Variants in CAMK2D observed in about 807,000 individuals in gnomAD.
CAMK2D encodes calcium/calmodulin-dependent protein kinase type II subunit delta.
In CAMK2D, 37 loss-of-function variants were observed where a neutral mutation model predicts 84.0. The observed-to-expected ratio is 0.44, with a 90% CI of 0.34 to 0.58. CAMK2D has a LOEUF of 0.58. Among genes scored for constraint, CAMK2D ranks in the 20% least tolerant of loss-of-function variants. CAMK2D has a pLI of 0.02. For missense variants in CAMK2D, 448 were observed against 652.5 expected (o/e 0.69, Z 3.41); for synonymous variants, 202 against 212.5 (o/e 0.95, Z 0.43).
At chr4:113,466,242 A>G (rs1206983760) in intron 16 of CAMK2D, among the ~76,000 whole-genome samples, 1 of 151,006 alleles carries the variant, frequency 6.6e-6, no homozygotes, top group Non-Finnish European at 1.5e-5. Context: ...GGGCAACAAG[A>G]GCAAAACTCC....
At position 113,709,745 on chromosome 4, in the gene CAMK2D, C is replaced by CTATATATATATATATA. The variant is rs1554070590; in HGVS notation, c.161-47974_161-47973insTATATATATATATATA. On this transcript the variant is annotated intron_variant, in intron 2 of 20. Transcript: ENST00000511664. ...AGAGTGAAAAGCTAAAAGCCGTGAACGATATATATATATATATATATATAT... is the reference window on the plus strand; with the variant it reads ...AGAGTGAAAAGCTAAAAGCCGTGAACTATATATATATATATAGATATATATATATATATATATATAT... 1.6e-3 allele frequency among the ~76,000 whole-genome samples: 39 copies of CTATATATATATATATA among 24,630 alleles called. 1 individual carries two copies. The highest frequency in any genetic ancestry group is 9.2e-3 in the African/African-American group (37 of 4,032). 16.2% of individuals were successfully genotyped at this position (24,630 alleles called of 152,430 possible).
At chr4:113,725,107 T>C (rs1045739090) in intron 2 of CAMK2D, among the ~76,000 whole-genome samples, 10 of 152,058 alleles carry the variant, frequency 6.6e-5, no homozygotes, top group African/African-American at 2.4e-4. Flanking sequence ...TTAATAGGCT[T>C]AAGATGTGCA....
At chr4:113,631,102 A>G (rs1352600090) in intron 3 of CAMK2D, among the ~76,000 whole-genome samples, 1 of 152,146 alleles carries the variant, frequency 6.6e-6, no homozygotes, top group Non-Finnish European at 1.5e-5. Context: ...ATTCATTTAA[A>G]CCAGAGCCAC....
chr4:113,545,030 C>A lies in CAMK2D; in HGVS notation c.414+2614G>T, dbSNP rs143015191. ...AGCAGTTATTCAACTAAATAGTGAT[C>A]TTTATTCTGAAGATATACTTATCTT... On this transcript the variant is annotated intron_variant, in intron 6 of 20. Transcript: ENST00000511664. Among the ~76,000 whole-genome samples the A allele has an allele frequency of 3.0e-4, 45 of 152,276 alleles. No individual in the cohort carries two copies. The East Asian group carries it at 7.7e-3, about 26-fold the overall frequency.
chr4:113,747,490 G>C (rs945724644), intron 2 of CAMK2D, among the ~76,000 whole-genome samples: 9 of 152,056 alleles, frequency 5.9e-5, no homozygotes, highest in Admixed American at 5.9e-4. Flanking sequence ...AGGCATTCAA[G>C]CAGTTAATAA....
At chr4:113,475,467 T>C (rs1436484684) in intron 16 of CAMK2D, among the ~76,000 whole-genome samples, 1 of 152,246 alleles carries the variant, frequency 6.6e-6, no homozygotes, top group Non-Finnish European at 1.5e-5. Context: ...CCATAATTAT[T>C]GAACTCCAAG....
rs751756869 is a variant in CAMK2D at position 113,513,325 on chromosome 4, T to TA, written c.946+2dup. On this transcript the variant is annotated splice_region_variant and intron_variant, in intron 12 of 20. Transcript: ENST00000511664. ...TAAGAAGCAGAGTTCCCAATGCATG[T>TA]ACCTGAGAAATTCCTTGTAGCCAGC... 3 of 1,613,386 alleles carry TA rather than the reference T, an allele frequency of 1.9e-6. No individual in the cohort carries two copies. The South Asian group carries it at 3.3e-5, about 18-fold the overall frequency.
At chr4:113,499,056 A>T (rs2097989519) in intron 16 of CAMK2D, among the ~76,000 whole-genome samples, 1 of 152,210 alleles carries the variant, frequency 6.6e-6, no homozygotes, top group Non-Finnish European at 1.5e-5. Context: ...GAAAATTCAT[A>T]TGAAACATTT....
chr4:113,752,794 T>C (rs941752887), intron 2 of CAMK2D, among the ~76,000 whole-genome samples: 2 of 152,168 alleles, frequency 1.3e-5, no homozygotes, highest in African/African-American at 2.4e-5. Context: ...GAAGACAGCA[T>C]GGAGGGACTG....
chr4:113,761,187 T>C lies in CAMK2D; in HGVS notation c.-119A>G. ...CCCAGGGCCGCTCTTACTTTCCTGG[T>C]CCGAAAGTAGCTCGCCCGCGAGGGA... On this transcript the variant is annotated 5_prime_UTR_variant, in exon 1 of 21. Coordinates refer to ENST00000511664, the MANE Select transcript of CAMK2D (RefSeq NM_001321571.2). 2 of 1,465,224 alleles carry C rather than the reference T, an allele frequency of 1.4e-6. No individual in the cohort carries two copies. Among genetic ancestry groups the C allele is most frequent in the South Asian group, 1.1e-5 (1 of 88,458 alleles). The allele number at this position is 1,465,224 out of a possible 1,614,324, so 90.8% of individuals were successfully genotyped here. A position where few individuals can be genotyped will look rare whatever the true frequency, so the allele number is the denominator to read the frequency against.
At chr4:113,707,350 T>C (rs766453856) in intron 2 of CAMK2D, among the ~76,000 whole-genome samples, 3 of 150,252 alleles carry the variant, frequency 2.0e-5, no homozygotes, top group Non-Finnish European at 4.4e-5. Flanking sequence ...ATACAAGGAG[T>C]CAGGCTGTGA....
intron 2 of CAMK2D, chr4:113,679,446 T>C (rs1398309033): frequency 1.0e-6 from 1 of 980,490 alleles, no homozygotes; most frequent in Non-Finnish European, 1.2e-6. Context: ...CTTCCCTAGA[T>C]GTCCATCATA....
chr4:113,551,211 T>C (rs977281415), intron 5 of CAMK2D, among the ~76,000 whole-genome samples: 1 of 152,188 alleles, frequency 6.6e-6, no homozygotes, highest in Non-Finnish European at 1.5e-5. Context: ...TCCAGTAACA[T>C]CTAAGCAAGT....
intron 4 of CAMK2D, among the ~76,000 whole-genome samples, chr4:113,607,494 C>T (rs569802572): frequency 3.9e-5 from 6 of 152,154 alleles, no homozygotes; most frequent in Non-Finnish European, 8.8e-5. Context: ...CCTGCCTTGA[C>T]TGATGACATT....
intron 2 of CAMK2D, among the ~76,000 whole-genome samples, chr4:113,721,267 T>C (rs1435434337): frequency 1.3e-5 from 2 of 152,104 alleles, no homozygotes; most frequent in African/African-American, 4.8e-5. Flanking sequence ...ATTCTACAGA[T>C]CAAGTTGAGA....
At chr4:113,491,891 T>C (rs1399583130) in intron 16 of CAMK2D, among the ~76,000 whole-genome samples, 3 of 152,142 alleles carry the variant, frequency 2.0e-5, no homozygotes, top group Admixed American at 6.5e-5. Flanking sequence ...TGTCCAGGAA[T>C]TTATCCATTT....
intron 2 of CAMK2D, among the ~76,000 whole-genome samples, chr4:113,671,584 T>C (rs111459327): frequency 0.016 from 2,481 of 152,326 alleles, 78 homozygotes; most frequent in African/African-American, 0.056. Flanking sequence ...ATTTTTGAGA[T>C]CTAACAAAGG....
At chr4:113,504,845 AAC>A in intron 14 of CAMK2D, 129 bp downstream of exon 14, 5 of 368,836 alleles carry the variant, frequency 1.4e-5, no homozygotes, top group South Asian at 1.3e-4. Context: ...AAAAAAAAAA[AAC>A]AAAACCCAAC....
chr4:113,558,595 C>G (rs1337211591), intron 4 of CAMK2D, among the ~76,000 whole-genome samples: 1 of 152,150 alleles, frequency 6.6e-6, no homozygotes, highest in East Asian at 1.9e-4. Flanking sequence ...ATTTTGTTAT[C>G]TGAGAGGGTC....
Sources: allele counts gnomAD v4.1 joint callset (sites outside exome capture counted in the v4.1 genomes callset), GRCh38; gene constraint gnomAD v4.1.1; transcripts MANE v1.5; gene names NCBI Gene and HGNC (gene_info 2026-07-23, HGNC 2026-07-21).